OR10A3: variants seen among roughly 807,000 people sequenced by gnomAD.
OR10A3 encodes the protein olfactory receptor 10A3.
OR10A3 carries 1 observed loss-of-function variant against 1.5 expected under a neutral mutation model. The ratio of observed to expected loss-of-function variants is 0.66; its 90% CI spans 0.23 to 3.11. The LOEUF (loss-of-function observed/expected upper bound fraction) is 3.11. Ranked by LOEUF, OR10A3 falls within the 30% of genes most tolerant of loss-of-function variation. OR10A3 has a pLI of 0.21. For synonymous variants in OR10A3, 145 were observed against 143.7 expected (o/e 1.01, Z -0.06); for missense variants, 398 against 369.7 (o/e 1.08, Z -0.63).
At chr11:7,940,694 G>A (rs1203539754) in intron 1 of OR10A3, among the ~76,000 whole-genome samples, 1 of 152,050 alleles carries the variant, frequency 6.6e-6, no homozygotes, top group Non-Finnish European at 1.5e-5. Context: ...GTAAATGAGG[G>A]AAACATTACT....
Position 7,939,428 on chromosome 11 carries a change from G to GA in OR10A3, c.92dup (p.Leu32ProfsTer49). 1 of 1,613,724 alleles carries GA rather than the reference G, an allele frequency of 6.2e-7. No homozygotes were observed. Among genetic ancestry groups the GA allele is most frequent in the Non-Finnish European group, 8.5e-7 (1 of 1,179,920 alleles). ...TCAGGGTCACCACATAAATAACTAG[G>GA]AAAACCCCAAAGAGCTGCACCTGGA... On this transcript the variant is annotated frameshift_variant, in exon 2 of 2. Coordinates refer to ENST00000642047, the MANE Select transcript of OR10A3 (RefSeq NM_001003745.2). LOFTEE classifies it low-confidence loss of function (END_TRUNC).
Position 7,939,710 on chromosome 11 carries a change from A to C in OR10A3, c.-178-12T>G, listed in dbSNP as rs1360929646. On this transcript the variant is annotated splice_polypyrimidine_tract_variant and intron_variant, in intron 1 of 1. Coordinates refer to ENST00000642047, the MANE Select transcript of OR10A3 (RefSeq NM_001003745.2). Reference sequence around the variant, plus strand: ...TTGTAATAGTGAATCTTTAAAATACAAATAAAGAAGTGAAGTATTTTGGTT... The same window carrying C: ...TTGTAATAGTGAATCTTTAAAATACCAATAAAGAAGTGAAGTATTTTGGTT... The C allele has an allele frequency of 6.4e-6, 3 of 465,508 alleles. No homozygotes were observed. The East Asian group carries it at 9.5e-5, about 15-fold the overall frequency. 28.8% of individuals were successfully genotyped at this position (465,508 alleles called of 1,614,324 possible).
intron 1 of OR10A3, among the ~76,000 whole-genome samples, chr11:7,940,168 G>A (rs2133622101): frequency 6.6e-6 from 1 of 152,318 alleles, no homozygotes; most frequent in African/African-American, 2.4e-5. Flanking sequence ...TCAGATGGGA[G>A]CTGGGCTGAA....
Position 7,938,665 on chromosome 11 carries a change from T to G in OR10A3, c.856A>C (p.Asn286His). 6.2e-7 allele frequency: 1 copy of G among 1,614,206 alleles called. No homozygotes were observed. Among genetic ancestry groups the G allele is most frequent in the South Asian group, 1.1e-5 (1 of 91,082 alleles). Reference sequence around the variant, plus strand: ...TTTCGTAAGCTATAGATGAGCGGATTGAGCAGAGGGGTAAGCAACGTGTAA... The same window carrying G: ...TTTCGTAAGCTATAGATGAGCGGATGGAGCAGAGGGGTAAGCAACGTGTAA... ...LAYTLLTPLL[N>H]PLIYSLRNSE... Residue 286 changes from asparagine (N) to histidine (H), a missense_variant, in exon 2 of 2, where the codon AAT (asparagine) becomes CAT (histidine). Physicochemically the swap from Asn to His is moderately conservative, Grantham distance 68. Transcript: ENST00000642047.
At chr11:7,940,089 C>G (rs1417104053) in intron 1 of OR10A3, among the ~76,000 whole-genome samples, 1 of 152,218 alleles carries the variant, frequency 6.6e-6, no homozygotes, top group Non-Finnish European at 1.5e-5. Context: ...ATGATCCCTT[C>G]TGGCTCTGAC....
At position 7,938,858 on chromosome 11, in the gene OR10A3, A is replaced by G; in HGVS notation, c.663T>C (p.Val221=). Residue 221 remains valine, a synonymous_variant, in exon 2 of 2, where the codon GTT becomes GTC. Coordinates refer to ENST00000642047, the MANE Select transcript of OR10A3 (RefSeq NM_001003745.2). ...ATGGCATCTTCAGGATGGCAAACAG[A>G]ACTCGAATGTAAGACAAGAGGATCA... ...FLLILLSYIR[V]LFAILKMPST... 6.2e-7 allele frequency: 1 copy of G among 1,614,236 alleles called. No homozygotes were observed. The highest frequency in any genetic ancestry group is 8.5e-7 in the Non-Finnish European group (1 of 1,180,028).
Position 7,939,049 on chromosome 11 carries a change from C to T in OR10A3, c.472G>A (p.Val158Met). ...SWISGIMVAT[V>M]QTTWVFSFPF... Reference sequence around the variant, plus strand: ...AAACTAAATACCCAAGTGGTCTGCACAGTAGCCACCATGATCCCTGAGATC... The same window carrying T: ...AAACTAAATACCCAAGTGGTCTGCATAGTAGCCACCATGATCCCTGAGATC... Residue 158 changes from valine to methionine, a missense_variant, in exon 2 of 2, where the codon GTG (valine) becomes ATG (methionine). Val to Met is a conservative substitution (Grantham distance 21). Coordinates refer to ENST00000642047, the MANE Select transcript of OR10A3 (RefSeq NM_001003745.2). The T allele has an allele frequency of 6.2e-7, 1 of 1,613,956 alleles. No homozygotes were observed. The highest frequency in any genetic ancestry group is 8.5e-7 in the Non-Finnish European group (1 of 1,179,876).
rs1014195988 is a variant in OR10A3 at position 7,938,903 on chromosome 11, A to G, written c.618T>C (p.Ile206=). The change falls in exon 2 of 2, where the codon ATT becomes ATC. Residue 206 remains isoleucine, a synonymous_variant. Coordinates refer to ENST00000642047, the MANE Select transcript of OR10A3 (RefSeq NM_001003745.2). ...GGATCAACAAGAAAGGAACCATAAC[A>G]ATCAAAATGGTGCCTGTGAAGGCAT... is the stretch of plus-strand genomic sequence containing the variant. ...EIYAFTGTIL[I]VMVPFLLILL... is the part of the protein sequence containing the mutation. 1.2e-6 allele frequency: 2 copies of G among 1,614,220 alleles called. No homozygotes were observed. Among genetic ancestry groups the G allele is most frequent in the Non-Finnish European group, 1.7e-6 (2 of 1,180,034 alleles).
chr11:7,940,856 A>G (rs1294456054), intron 1 of OR10A3, among the ~76,000 whole-genome samples: 1 of 152,112 alleles, frequency 6.6e-6, no homozygotes, highest in Non-Finnish European at 1.5e-5. Context: ...GGACCTCCAA[A>G]CTGGACTTTG....
At chr11:7,940,337 C>G (rs558553406) in intron 1 of OR10A3, among the ~76,000 whole-genome samples, 6 of 152,276 alleles carry the variant, frequency 3.9e-5, no homozygotes, top group South Asian at 4.2e-4. Flanking sequence ...TCTCTCTGCT[C>G]TCAACCAGAG....
chr11:7,939,560 A>ATATCGAGTATGAAGTCGTAATCC lies in OR10A3; in HGVS notation c.-63_-41dup. 6.9e-7 allele frequency: 1 copy of ATATCGAGTATGAAGTCGTAATCC among 1,447,146 alleles called. No individual in the cohort carries two copies. The highest frequency in any genetic ancestry group is 9.3e-7 in the Non-Finnish European group (1 of 1,071,218). 89.6% of individuals were successfully genotyped at this position (1,447,146 alleles called of 1,614,324 possible). A position where few individuals can be genotyped will look rare whatever the true frequency, so the allele number is the denominator to read the frequency against. ...CTTATATTGTTTTTATGGACCTGGT[A>ATATCGAGTATGAAGTCGTAATCC]TATCGAGTATGAAGTCGTAATCCCA... On this transcript the variant is annotated 5_prime_UTR_variant, in exon 2 of 2. The change creates a premature stop within an existing upstream ORF in the 5' untranslated region. Transcript: ENST00000642047.
At position 7,938,539 on chromosome 11, in the gene OR10A3, A is replaced by G. The variant is rs1564870612; in HGVS notation, c.*37T>C. 7.5e-6 allele frequency: 11 copies of G among 1,471,220 alleles called. No homozygotes were observed. The highest frequency in any genetic ancestry group is 9.3e-6 in the Non-Finnish European group (10 of 1,077,462). The allele number at this position is 1,471,220 out of a possible 1,614,324, so 91.1% of individuals were successfully genotyped here. A position where few individuals can be genotyped will look rare whatever the true frequency, so the allele number is the denominator to read the frequency against. ...TATTAAATTTAAATAGAGTTCACTC[A>G]GGCAGTGGCCAAATCTTACTCAGCT... On this transcript the variant is annotated 3_prime_UTR_variant, in exon 2 of 2. Transcript: ENST00000642047.
At position 7,939,199 on chromosome 11, in the gene OR10A3, C is replaced by A; in HGVS notation, c.322G>T (p.Gly108Cys). ...FAQMYFILLFGGTECFLLGAM... is the reference protein window; with the variant it reads ...FAQMYFILLFCGTECFLLGAM... ...CCCAGGAGAAAACATTCAGTCCCACCAAAAAGAAGGATGAAATACATCTGT... is the reference window on the plus strand; with the variant it reads ...CCCAGGAGAAAACATTCAGTCCCACAAAAAAGAAGGATGAAATACATCTGT... The change falls in exon 2 of 2, where the codon GGT (glycine) becomes TGT (cysteine). Residue 108 changes from glycine to cysteine, a missense_variant. Coordinates refer to ENST00000642047, the MANE Select transcript of OR10A3 (RefSeq NM_001003745.2). The A allele has an allele frequency of 6.2e-7, 1 of 1,614,054 alleles. No individual in the cohort carries two copies. The highest frequency in any genetic ancestry group is 8.5e-7 in the Non-Finnish European group (1 of 1,180,018).
In OR10A3 at chr11:7,938,857, G is replaced by T; in HGVS notation, c.664C>A (p.Leu222Met). ...LLILLSYIRV[L>M]FAILKMPSTT... ...GATGGCATCTTCAGGATGGCAAACA[G>T]AACTCGAATGTAAGACAAGAGGATC... The change falls in exon 2 of 2, where the codon CTG becomes ATG. Residue 222 changes from leucine (L) to methionine (M), a missense_variant. Coordinates refer to ENST00000642047, the MANE Select transcript of OR10A3 (RefSeq NM_001003745.2). The T allele has an allele frequency of 6.2e-7, 1 of 1,614,222 alleles. No individual in the cohort carries two copies. The highest frequency in any genetic ancestry group is 8.5e-7 in the Non-Finnish European group (1 of 1,180,046).
chr11:7,939,720 G>A, intron 1 of OR10A3, 22 bp from the exon 2 acceptor site: 1 of 454,722 alleles, frequency 2.2e-6, no homozygotes, highest in Admixed American at 3.8e-5. Context: ...AAATAAAGAA[G>A]TGAAGTATTT....
At position 7,939,594 on chromosome 11, in the gene OR10A3, A is replaced by G. The variant is rs1408133242; in HGVS notation, c.-74T>C. On this transcript the variant is annotated 5_prime_UTR_variant, in exon 2 of 2. Coordinates refer to ENST00000642047, the MANE Select transcript of OR10A3 (RefSeq NM_001003745.2). ...ATGAAGTCGTAATCCCATAGCTGTG[A>G]GTTCAAGTCTGGAATTCTTGACAGC... 25 of 1,197,384 alleles carry G rather than the reference A, an allele frequency of 2.1e-5. No individual in the cohort carries two copies. The Admixed American group carries it at 3.7e-4, about 18-fold the overall frequency. The allele number at this position is 1,197,384 out of a possible 1,614,324, so 74.2% of individuals were successfully genotyped here.
In OR10A3 at chr11:7,939,443, C is replaced by A. The variant is rs200941223; in HGVS notation, c.78G>T (p.Gln26His). The A allele has an allele frequency of 8.9e-5, 143 of 1,610,554 alleles. No individual in the cohort carries two copies. Among genetic ancestry groups the A allele is most frequent in the Non-Finnish European group, 1.1e-4 (134 of 1,179,136 alleles). ...AAATAACTAGGAAAACCCCAAAGAG[C>A]TGCACCTGGAGCTCAGGAAAGTTAG... ...GFSNFPELQV[Q>H]LFGVFLVIYV... The change falls in exon 2 of 2, where the codon CAG (glutamine) becomes CAT (histidine). Residue 26 changes from glutamine (Q) to histidine (H), a missense_variant. Coordinates refer to ENST00000642047, the MANE Select transcript of OR10A3 (RefSeq NM_001003745.2).
chr11:7,937,841 A>G lies in OR10A3; in HGVS notation c.*735T>C, dbSNP rs1325614128. 1 of 152,234 alleles carries G rather than the reference A, an allele frequency of 6.6e-6. No individual in the cohort carries two copies. Among genetic ancestry groups the G allele is most frequent in the African/African-American group, 2.4e-5 (1 of 41,456 alleles). The allele number at this position is 152,234 out of a possible 1,614,324, so 9.4% of individuals were successfully genotyped here. A position where few individuals can be genotyped will look rare whatever the true frequency, so the allele number is the denominator to read the frequency against. On this transcript the variant is annotated 3_prime_UTR_variant, in exon 2 of 2. Coordinates refer to ENST00000642047, the MANE Select transcript of OR10A3 (RefSeq NM_001003745.2). Reference sequence around the variant, plus strand: ...CACAGTGAGCCTTCAGGCCAGTCTGAAGAACTATAATCATTTTGAAAAGTA... The same window carrying G: ...CACAGTGAGCCTTCAGGCCAGTCTGGAGAACTATAATCATTTTGAAAAGTA...
rs748753733 is a variant in OR10A3 at position 7,939,177 on chromosome 11, A to G, written c.344T>C (p.Leu115Pro). ...LLFGGTECFL[L>P]GAMAYDRFAA... ...AAATCGGTCATAAGCCATCGCTCCC[A>G]GGAGAAAACATTCAGTCCCACCAAA... is the stretch of plus-strand genomic sequence containing the variant. Residue 115 changes from leucine (L) to proline (P), a missense_variant, in exon 2 of 2, where the codon CTG becomes CCG. Transcript: ENST00000642047. 1 of 1,614,244 alleles carries G rather than the reference A, an allele frequency of 6.2e-7. No homozygotes were observed. The highest frequency in any genetic ancestry group is 8.5e-7 in the Non-Finnish European group (1 of 1,180,044).
Sources: gnomAD v4.1 joint callset for allele counts (sites outside exome capture counted in the v4.1 genomes callset) on GRCh38, gnomAD v4.1.1 for gene constraint, MANE v1.5 for transcripts, NCBI Gene and HGNC (gene_info 2026-07-23, HGNC 2026-07-21) for gene names.